Variants in CCNB3 observed in about 807,000 individuals in gnomAD.
CCNB3 encodes the protein cyclin B3.
Under a neutral mutation model 68.0 loss-of-function variants are expected in CCNB3, and 12 were observed. The observed-to-expected ratio is 0.18, with a 90% CI of 0.11 to 0.29. CCNB3 has a LOEUF of 0.29. CCNB3 is among the 10% of genes least tolerant of loss of function. The pLI, the probability that CCNB3 is intolerant of heterozygous loss-of-function variation, is 1.00. For synonymous variants in CCNB3, 354 were observed against 388.9 expected (o/e 0.91, Z 1.06); for missense variants, 904 against 993.1 (o/e 0.91, Z 1.21).
chrX:50,340,277 A>G (rs1162730577), intron 8 of CCNB3, among the ~76,000 whole-genome samples: 1 of 111,869 alleles, frequency 8.9e-6, no homozygotes, highest in South Asian at 3.8e-4. Context: ...ATGTCACTCA[A>G]TATAAGGGAG....
chrX:50,218,231 C>A (rs1372926802), intron 1 of CCNB3, among the ~76,000 whole-genome samples: 1 of 111,453 alleles, frequency 9.0e-6, no homozygotes, highest in African/African-American at 3.3e-5. Flanking sequence ...TGTTCATTTT[C>A]TTGCCAATTT....
chrX:50,290,512 C>T (rs1348960744), intron 4 of CCNB3, among the ~76,000 whole-genome samples: 1 of 112,160 alleles, frequency 8.9e-6, no homozygotes, highest in Admixed American at 9.5e-5. Flanking sequence ...TAGGTTTCAA[C>T]ATAATGAATT....
chrX:50,322,607 A>C (rs1270040177), intron 8 of CCNB3, among the ~76,000 whole-genome samples: 1 of 112,103 alleles, frequency 8.9e-6, no homozygotes, highest in African/African-American at 3.2e-5. Flanking sequence ...CTGCACAGCA[A>C]AAGAAACTAC....
In CCNB3 at chrX:50,311,289, G is replaced by A. The variant is rs1557214924; in HGVS notation, c.3120G>A (p.Lys1040=). The A allele has an allele frequency of 3.3e-6, 4 of 1,209,281 alleles. No individual in the cohort carries two copies. In the Admixed American group the frequency reaches 8.8e-5, roughly 26 times the overall value. Reference sequence around the variant, plus strand: ...CCTTACAAGAGAGTCCCACCTGCAAGGAAGACACCTTTCTGGAAACATTCT... The same window carrying A: ...CCTTACAAGAGAGTCCCACCTGCAAAGAAGACACCTTTCTGGAAACATTCT... ...PLALQESPTC[K]EDTFLETFLI... is the part of the protein sequence containing the mutation. Residue 1040 remains lysine, a synonymous_variant, in exon 6 of 13, where the codon AAG becomes AAA. Transcript: ENST00000376042.
chrX:50,222,382 A>G lies in CCNB3; in HGVS notation c.-113+17432A>G, dbSNP rs929661003. Among the ~76,000 whole-genome samples the G allele has an allele frequency of 1.3e-4, 14 of 111,447 alleles. No homozygotes were observed. In the East Asian group the frequency reaches 3.6e-3, roughly 29 times the overall value. ...GTGTTGATGTTCTTTACAATTTGGT[A>G]TATTTTTGCAGTGGCTGGTACTGGT... On this transcript the variant is annotated intron_variant, in intron 1 of 12. Transcript: ENST00000376042.
At position 50,308,964 on chromosome X, in the gene CCNB3, A is replaced by C. The variant is rs1394706101; in HGVS notation, c.795A>C (p.Ser265=). 17 of 1,208,932 alleles carry C rather than the reference A, an allele frequency of 1.4e-5. No homozygotes were observed. The Admixed American group carries it at 3.7e-4, about 26-fold the overall frequency. Residue 265 remains serine (S), a synonymous_variant, in exon 6 of 13, where the codon TCA becomes TCC. Transcript: ENST00000376042. ...NMEEDSFFME[S]MSFKKKPKTE... ...AAGAGGATTCCTTCTTTATGGAGTC[A>C]ATGAGTTTTAAGAAGAAGCCTAAAA...
At chrX:50,212,337 G>A (rs1419499339) in intron 1 of CCNB3, among the ~76,000 whole-genome samples, 1 of 111,689 alleles carries the variant, frequency 9.0e-6, no homozygotes, top group East Asian at 2.8e-4. Flanking sequence ...ATAAAAAGGT[G>A]CTTAGTCAAG....
Position 50,310,540 on chromosome X carries a change from A to T in CCNB3, c.2371A>T (p.Ile791Phe). The T allele has an allele frequency of 8.3e-7, 1 of 1,211,432 alleles. No homozygotes were observed. Among genetic ancestry groups the T allele is most frequent in the Non-Finnish European group, 1.1e-6 (1 of 895,256 alleles). ...QPLALEGYPSIAEGETLFKKL... is the reference protein window; with the variant it reads ...QPLALEGYPSFAEGETLFKKL... ...ACTGGCCTTGGAGGGGTATCCCAGCATTGCGGAGGGGGAGACCCTCTTCAA... is the reference window on the plus strand; with the variant it reads ...ACTGGCCTTGGAGGGGTATCCCAGCTTTGCGGAGGGGGAGACCCTCTTCAA... The change falls in exon 6 of 13, where the codon ATT (isoleucine) becomes TTT (phenylalanine). Residue 791 changes from isoleucine (I) to phenylalanine (F), a missense_variant. By Grantham distance (21) the Ile-to-Phe change is conservative. Transcript: ENST00000376042.
At chrX:50,227,215 A>G (rs1413083031) in intron 1 of CCNB3, among the ~76,000 whole-genome samples, 6 of 82,636 alleles carry the variant, frequency 7.3e-5, no homozygotes, top group African/African-American at 1.9e-4. Flanking sequence ...ATATAAATAT[A>G]TACAGAATAT....
At chrX:50,317,658 C>T (rs782664195) in intron 8 of CCNB3, among the ~76,000 whole-genome samples, 1 of 110,328 alleles carries the variant, frequency 9.1e-6, no homozygotes, top group South Asian at 3.9e-4. Flanking sequence ...CAACCTCCGC[C>T]TCCCAGGTTC....
At chrX:50,202,743 C>T (rs898279678), upstream of CCNB3, 1 of 111,777 alleles carries the variant, frequency 8.9e-6, no homozygotes, top group Non-Finnish European at 1.9e-5. Context: ...GAGAGAACTA[C>T]TATGGATGAT....
At chrX:50,279,063 A>T (rs1936009404) in intron 1 of CCNB3, among the ~76,000 whole-genome samples, 1 of 59,401 alleles carries the variant, frequency 1.7e-5, no homozygotes, top group Admixed American at 3.0e-4. Context: ...TATATAGAAT[A>T]TATTTATAGA....
At chrX:50,227,009 A>ATATATAGTAT (rs1935859399) in intron 1 of CCNB3, among the ~76,000 whole-genome samples, 1 of 78,465 alleles carries the variant, frequency 1.3e-5, no homozygotes, top group African/African-American at 5.2e-5. Flanking sequence ...ATATATAGAA[A>ATATATAGTAT]ATATATAAAA....
intron 8 of CCNB3, among the ~76,000 whole-genome samples, chrX:50,314,150 T>C (rs782193934): frequency 8.9e-6 from 1 of 112,608 alleles, no homozygotes; most frequent in South Asian, 3.7e-4. Flanking sequence ...TACTAAGTGC[T>C]CTAAGAATGT....
At chrX:50,298,732 G>C (rs1270741424) in intron 5 of CCNB3, among the ~76,000 whole-genome samples, 1 of 111,272 alleles carries the variant, frequency 9.0e-6, no homozygotes, top group East Asian at 2.8e-4. Flanking sequence ...TGTACCTCTG[G>C]TAGAATTCGG....
chrX:50,214,508 A>ATATATATATATATATATATATATATATC (rs1211047337), intron 1 of CCNB3, among the ~76,000 whole-genome samples: 1 of 68,771 alleles, frequency 1.5e-5, no homozygotes, highest in Non-Finnish European at 2.9e-5. Flanking sequence ...ATATATATAT[A>ATATATATATATATATATATATATATATC]TTTTAGCTGT....
intron 5 of CCNB3, among the ~76,000 whole-genome samples, chrX:50,298,528 T>G (rs57767324): frequency 0.11 from 12,563 of 111,310 alleles, 1,752 homozygotes; most frequent in African/African-American, 0.39. Context: ...GCTGGATTCC[T>G]TTTGCCAGTA....
At chrX:50,227,015 T>G (rs1299382829) in intron 1 of CCNB3, among the ~76,000 whole-genome samples, 1 of 76,640 alleles carries the variant, frequency 1.3e-5, no homozygotes, top group Non-Finnish European at 2.3e-5. Context: ...AGAAAATATA[T>G]AAAATATATA....
chrX:50,305,854 C>G (rs1284625705), intron 5 of CCNB3, among the ~76,000 whole-genome samples: 1 of 91,986 alleles, frequency 1.1e-5, no homozygotes, highest in Non-Finnish European at 2.1e-5. Flanking sequence ...TTGGCTCACT[C>G]TAACCTCCAC....
Sources: gnomAD v4.1 joint callset for allele counts (sites outside exome capture counted in the v4.1 genomes callset) on GRCh38, gnomAD v4.1.1 for gene constraint, MANE v1.5 for transcripts, NCBI Gene and HGNC (gene_info 2026-07-23, HGNC 2026-07-21) for gene names.